Variants in PTK2 observed in about 807,000 individuals in gnomAD.
PTK2 encodes protein tyrosine kinase 2.
Under a neutral mutation model 150.1 loss-of-function variants are expected in PTK2, and 45 were observed. That is an observed-to-expected ratio of 0.30 (90% CI 0.24 to 0.38). The LOEUF (loss-of-function observed/expected upper bound fraction) is 0.38. Among genes scored for constraint, PTK2 ranks in the 10% least tolerant of loss-of-function variants. PTK2 has a pLI of 1.00. For missense variants in PTK2, 919 were observed against 1,307.3 expected (o/e 0.70, Z 4.58); for synonymous variants, 432 against 449.2 (o/e 0.96, Z 0.48).
rs1262432040 is a variant in PTK2, at chr8:140,794,525, G to C, written c.1094-1141C>G. ...CCCCCATACACGGAAAATACTTTTT[G>C]AACATCTCCAATGACATCTGCCTTG... On this transcript the variant is annotated intron_variant, in intron 12 of 31. Coordinates refer to ENST00000522684, the Ensembl canonical transcript of PTK2. Among the ~76,000 whole-genome samples, 5 of 151,578 alleles carry C rather than the reference G, an allele frequency of 3.3e-5. No homozygotes were observed. The South Asian group carries it at 1.0e-3, about 32-fold the overall frequency.
intron 2 of PTK2, among the ~76,000 whole-genome samples, chr8:140,899,513 A>G (rs1454063091): frequency 6.6e-6 from 1 of 152,228 alleles, no homozygotes; most frequent in Non-Finnish European, 1.5e-5. Context: ...TTTTACAAAA[A>G]ACATTTTAAG....
intron 27 of PTK2, among the ~76,000 whole-genome samples, chr8:140,678,233 A>G (rs755101649): frequency 2.6e-5 from 4 of 151,694 alleles, no homozygotes; most frequent in Non-Finnish European, 5.9e-5. Context: ...TTTTTGGTAA[A>G]AACGGGGTTT....
intron 27 of PTK2, among the ~76,000 whole-genome samples, chr8:140,679,028 T>G (rs1478664668): frequency 6.2e-5 from 7 of 113,208 alleles, no homozygotes; most frequent in African/African-American, 3.1e-4. Flanking sequence ...TTTTTTTTTT[T>G]TTTTTTTTTT....
chr8:140,866,313 A>G (rs533823777), intron 4 of PTK2, among the ~76,000 whole-genome samples: 1 of 152,322 alleles, frequency 6.6e-6, no homozygotes, highest in African/African-American at 2.4e-5. Context: ...AAGGTTCAAC[A>G]TGAAACAATG....
At chr8:140,928,957 ATTTTTTTTTTTT>A (rs34658967) in intron 1 of PTK2, among the ~76,000 whole-genome samples, 1 of 92,204 alleles carries the variant, frequency 1.1e-5, no homozygotes, top group Non-Finnish European at 2.0e-5. Flanking sequence ...TTTTATCACA[ATTTTTTTTTTTT>A]TTTTTTTTTT....
At chr8:140,713,398 C>A (rs1289788541) in intron 23 of PTK2, among the ~76,000 whole-genome samples, 1 of 152,182 alleles carries the variant, frequency 6.6e-6, no homozygotes, top group Non-Finnish European at 1.5e-5. Context: ...GTAGCTGGGA[C>A]TACAAGTGCA....
intron 16 of PTK2, 100 bp from the exon 20 acceptor site, chr8:140,752,416 G>A: frequency 2.0e-6 from 2 of 998,662 alleles, no homozygotes; most frequent in South Asian, 2.8e-5. Flanking sequence ...TGTGGGTTAT[G>A]GACCAGACAG....
chr8:140,677,448 A>G (rs137924464), intron 27 of PTK2, among the ~76,000 whole-genome samples: 20 of 152,358 alleles, frequency 1.3e-4, no homozygotes, highest in African/African-American at 3.8e-4. Flanking sequence ...CTGAAACTGC[A>G]CTTAAAATAG....
chr8:140,992,293 GAAAAAA>G (rs397949814), intron 1 of PTK2, among the ~76,000 whole-genome samples: 2 of 120,610 alleles, frequency 1.7e-5, no homozygotes, highest in African/African-American at 3.0e-5. Context: ...CTTCATCTCG[GAAAAAA>G]AAAAAAAAAA....
At chr8:140,858,438 G>GA (rs1442808272) in intron 5 of PTK2, among the ~76,000 whole-genome samples, 1 of 145,358 alleles carries the variant, frequency 6.9e-6, no homozygotes, top group East Asian at 2.0e-4. Flanking sequence ...AAAAAAAAAA[G>GA]AAAGAAAGAA....
chr8:140,744,889 T>A, intron 18 of PTK2, 122 bp from the exon 22 acceptor site: 1 of 501,980 alleles, frequency 2.0e-6, no homozygotes, highest in East Asian at 2.9e-5. Flanking sequence ...TTAATAATAT[T>A]AGAATGGCTT....
intron 17 of PTK2, among the ~76,000 whole-genome samples, chr8:140,748,668 A>T (rs2100061005): frequency 6.6e-6 from 1 of 152,184 alleles, no homozygotes; most frequent in Admixed American, 6.5e-5. Flanking sequence ...TGACCGCCTA[A>T]TTGAGCCAAG....
chr8:140,944,833 G>C (rs1464074400), intron 1 of PTK2, among the ~76,000 whole-genome samples: 2 of 152,194 alleles, frequency 1.3e-5, no homozygotes, highest in Non-Finnish European at 2.9e-5. Flanking sequence ...GACCACTTGT[G>C]AACCTTATTT....
At chr8:140,719,061 A>G (rs2100041344) in intron 22 of PTK2, among the ~76,000 whole-genome samples, 2 of 152,120 alleles carry the variant, frequency 1.3e-5, no homozygotes, top group Non-Finnish European at 1.5e-5. Flanking sequence ...CTGTAGTTCC[A>G]GCTACTCGGG....
intron 27 of PTK2, among the ~76,000 whole-genome samples, 180 bp downstream of exon 30, chr8:140,686,452 A>T (rs149379951): frequency 1.3e-5 from 2 of 152,302 alleles, no homozygotes; most frequent in African/African-American, 4.8e-5. Flanking sequence ...AAACTTCTGT[A>T]TCTGAATAAA....
chr8:140,942,418 T>A (rs933903171), intron 1 of PTK2, among the ~76,000 whole-genome samples: 1 of 152,208 alleles, frequency 6.6e-6, no homozygotes, highest in African/African-American at 2.4e-5. Flanking sequence ...ATGACCTTTA[T>A]AATATACAAT....
chr8:140,959,021 G>T (rs1027361626), intron 1 of PTK2, among the ~76,000 whole-genome samples: 1 of 152,078 alleles, frequency 6.6e-6, no homozygotes, highest in African/African-American at 2.4e-5. Flanking sequence ...ATTTGTCACA[G>T]ATCAATTGTC....
intron 16 of PTK2, among the ~76,000 whole-genome samples, chr8:140,757,107 CCTG>C (rs1303243168): frequency 3.3e-5 from 5 of 152,046 alleles, no homozygotes; most frequent in Non-Finnish European, 5.9e-5. Flanking sequence ...GTCCACTAAC[CCTG>C]CTATTACCTG....
rs1245038712 is a variant in PTK2, at chr8:140,817,964, C to T, written c.867+313G>A. On this transcript the variant is annotated intron_variant, in intron 10 of 31. Coordinates refer to ENST00000522684, the Ensembl canonical transcript of PTK2. ...GGGTAAGATGCCAGTACAAATATACCCAAATCATTCAGAACTTAATTTTAA... is the reference window on the plus strand; with the variant it reads ...GGGTAAGATGCCAGTACAAATATACTCAAATCATTCAGAACTTAATTTTAA... Among the ~76,000 whole-genome samples the T allele has an allele frequency of 2.6e-5, 4 of 151,928 alleles. No homozygotes were observed. The East Asian group carries it at 7.7e-4, about 29-fold the overall frequency.
Sources: gnomAD v4.1 joint callset for allele counts (sites outside exome capture counted in the v4.1 genomes callset) on GRCh38, gnomAD v4.1.1 for gene constraint, MANE v1.5 for transcripts, NCBI Gene and HGNC (gene_info 2026-07-23, HGNC 2026-07-21) for gene names.